The following SLC14A2 variants were observed in gnomAD, a reference collection of about 807,000 sequenced individuals.
SLC14A2 encodes solute carrier family 14 member 2, also known as urea transporter 2.
Under a neutral mutation model 104.6 loss-of-function variants are expected in SLC14A2, and 91 were observed. The observed-to-expected ratio is 0.87, with a 90% confidence interval of 0.73 to 1.04. The LOEUF (loss-of-function observed/expected upper bound fraction) is 1.04, where lower values mean the gene tolerates loss of function less well. SLC14A2 is among the 50% of genes least tolerant of loss of function. SLC14A2 has a pLI of 0.00. For synonymous variants in SLC14A2, 476 were observed against 466.4 expected (o/e 1.02, Z -0.27); for missense variants, 1,189 against 1,156.0 (o/e 1.03, Z -0.41).
At chr18:45,253,411 A>T (rs1337935970) in intron 1 of SLC14A2, among the ~76,000 whole-genome samples, 8 of 152,156 alleles carry the variant, frequency 5.3e-5, no homozygotes, top group Non-Finnish European at 1.0e-4. Flanking sequence ...ATTTGGGGAT[A>T]TGAGCAGATT....
intron 1 of SLC14A2, among the ~76,000 whole-genome samples, chr18:45,264,846 A>G (rs998432618): frequency 2.0e-5 from 3 of 152,280 alleles, no homozygotes; most frequent in Middle Eastern, 6.8e-3. Flanking sequence ...TTCACTTAGT[A>G]TATGATTTTT....
chr18:45,315,183 C>T (rs570730726), intron 1 of SLC14A2, among the ~76,000 whole-genome samples: 1 of 152,140 alleles, frequency 6.6e-6, no homozygotes, highest in South Asian at 2.1e-4. Flanking sequence ...ACAGGGGCCT[C>T]CAGAAGGGAG....
chr18:45,608,168 T>G (rs1235697714), intron 2 of SLC14A2, among the ~76,000 whole-genome samples: 2 of 152,250 alleles, frequency 1.3e-5, no homozygotes, highest in Non-Finnish European at 2.9e-5. Context: ...GAACACTATC[T>G]GGTACAGGAT....
intron 2 of SLC14A2, among the ~76,000 whole-genome samples, chr18:45,512,959 A>G (rs573436592): frequency 6.6e-6 from 1 of 152,308 alleles, no homozygotes; most frequent in Admixed American, 6.5e-5. Flanking sequence ...GGGTGTGATC[A>G]AGCAAGTGAT....
At chr18:45,322,699 C>T (rs1192899959) in intron 1 of SLC14A2, among the ~76,000 whole-genome samples, 1 of 152,276 alleles carries the variant, frequency 6.6e-6, no homozygotes, top group East Asian at 1.9e-4. Context: ...TGGTCCATTC[C>T]TCTCCTAATA....
chr18:45,319,648 G>T (rs1259582238), intron 1 of SLC14A2, among the ~76,000 whole-genome samples: 1 of 152,166 alleles, frequency 6.6e-6, no homozygotes, highest in South Asian at 2.1e-4. Flanking sequence ...AGACCAATTA[G>T]GTTATAGACT....
At chr18:45,201,947 A>G in the SLC14A2 span, among the ~76,000 whole-genome samples, 43 of 152,300 alleles carry the variant, frequency 2.8e-4, no homozygotes, top group Non-Finnish European at 6.0e-4. Flanking sequence ...GGCAATTCAG[A>G]CCACCCATCT....
At chr18:45,433,583 A>G (rs2086551515) in intron 1 of SLC14A2, among the ~76,000 whole-genome samples, 2 of 152,226 alleles carry the variant, frequency 1.3e-5, no homozygotes, top group South Asian at 4.1e-4. Flanking sequence ...TGGGTTAAAA[A>G]GATCTAGAAA....
intron 1 of SLC14A2, among the ~76,000 whole-genome samples, chr18:45,393,011 T>C (rs2085988608): frequency 6.6e-6 from 1 of 152,218 alleles, no homozygotes; most frequent in Non-Finnish European, 1.5e-5. Flanking sequence ...TTTATGCCTA[T>C]GATCACAACC....
chr18:45,553,843 C>T (rs944353125), intron 2 of SLC14A2, among the ~76,000 whole-genome samples: 1 of 152,094 alleles, frequency 6.6e-6, no homozygotes, highest in African/African-American at 2.4e-5. Flanking sequence ...TTCTTTCCCT[C>T]CTAAAGTCAG....
chr18:45,178,879 G>T, the SLC14A2 span, among the ~76,000 whole-genome samples: 1 of 152,108 alleles, frequency 6.6e-6, no homozygotes, highest in East Asian at 1.9e-4. Context: ...AAATATTTTT[G>T]AGCTGAAGAA....
At chr18:45,466,294 G>A (rs918843175) in intron 1 of SLC14A2, among the ~76,000 whole-genome samples, 1 of 151,828 alleles carries the variant, frequency 6.6e-6, no homozygotes, top group Non-Finnish European at 1.5e-5. Flanking sequence ...GGGGTAGAGG[G>A]AAAAGATGAT....
At chr18:45,293,541 G>A (rs529255154) in intron 1 of SLC14A2, among the ~76,000 whole-genome samples, 1 of 151,438 alleles carries the variant, frequency 6.6e-6, no homozygotes, top group East Asian at 2.0e-4. Context: ...TTTAAGCTGA[G>A]AATTAGGAGA....
chr18:45,170,479 TG>T, the SLC14A2 span, among the ~76,000 whole-genome samples: 6 of 152,202 alleles, frequency 3.9e-5, no homozygotes, highest in African/African-American at 1.4e-4. Flanking sequence ...TAACCTTGAA[TG>T]TTTGCACATG....
chr18:45,600,472 A>C (rs1170361858), intron 2 of SLC14A2, among the ~76,000 whole-genome samples: 1 of 152,184 alleles, frequency 6.6e-6, no homozygotes, highest in Admixed American at 6.5e-5. Context: ...CCTCCACCTC[A>C]ACCACAACAC....
chr18:45,591,452 A>G (rs1291176624), intron 2 of SLC14A2, among the ~76,000 whole-genome samples: 1 of 152,160 alleles, frequency 6.6e-6, no homozygotes, highest in Non-Finnish European at 1.5e-5. Context: ...TCTCTGCCTC[A>G]GCCTCCCAAA....
At chr18:45,475,641 GGATATATATATAT>G (rs1568227826) in intron 1 of SLC14A2, among the ~76,000 whole-genome samples, 155 of 11,646 alleles carry the variant, frequency 0.013, 2 homozygotes, top group African/African-American at 0.032. Context: ...TATATATTTA[GGATATATATATAT>G]ATATATATAT....
chr18:45,256,614 G>A (rs2144088596), intron 1 of SLC14A2, among the ~76,000 whole-genome samples: 1 of 152,294 alleles, frequency 6.6e-6, no homozygotes, highest in African/African-American at 2.4e-5. Context: ...TTGCTTCTCT[G>A]ATGTGATAAT....
chr18:45,457,703 A>G (rs371801762), intron 1 of SLC14A2, among the ~76,000 whole-genome samples: 2 of 137,074 alleles, frequency 1.5e-5, no homozygotes, highest in Admixed American at 1.5e-4. Flanking sequence ...AAAAAAAAAA[A>G]GGAAATCTGC....
Sources: allele counts gnomAD v4.1 joint callset (sites outside exome capture counted in the v4.1 genomes callset), GRCh38; gene constraint gnomAD v4.1.1; transcripts MANE v1.5; gene names NCBI Gene and HGNC (gene_info 2026-07-23, HGNC 2026-07-21).